The following NR2F1-AS1 variants were observed in gnomAD, a reference collection of about 807,000 sequenced individuals.
NR2F1-AS1 encodes NR2F1 antisense RNA 1.
At chr5:93,516,162 T>C (rs1014161093) in intron 4 of NR2F1-AS1, among the ~76,000 whole-genome samples, 1 of 151,900 alleles carries the variant, frequency 6.6e-6, no homozygotes, top group African/African-American at 2.4e-5. Context: ...ATGTGCATTT[T>C]ATATATACTC....
At chr5:93,522,512 A>G (rs1751522785) in intron 4 of NR2F1-AS1, among the ~76,000 whole-genome samples, 1 of 152,202 alleles carries the variant, frequency 6.6e-6, no homozygotes, top group Non-Finnish European at 1.5e-5. Flanking sequence ...TTTATTTTCC[A>G]CTTAGTACAA....
intron 1 of NR2F1-AS1, among the ~76,000 whole-genome samples, chr5:93,569,228 G>A (rs1165667464): frequency 6.6e-6 from 1 of 152,124 alleles, no homozygotes; most frequent in Non-Finnish European, 1.5e-5. Flanking sequence ...CAGGAAGACA[G>A]AAGAGAAGGG....
intron 4 of NR2F1-AS1, among the ~76,000 whole-genome samples, chr5:93,552,232 T>C (rs769888515): frequency 9.9e-5 from 15 of 152,150 alleles, no homozygotes; most frequent in Non-Finnish European, 1.6e-4. Context: ...ATCTTGGAAA[T>C]GTCAGTGACA....
intron 4 of NR2F1-AS1, among the ~76,000 whole-genome samples, chr5:93,413,562 C>T (rs545335641): frequency 1.5e-4 from 23 of 152,240 alleles, no homozygotes; most frequent in African/African-American, 5.3e-4. Flanking sequence ...TCATCAGAGA[C>T]TGCATTAGGT....
chr5:93,468,419 G>GAA (rs1193553930), intron 4 of NR2F1-AS1, among the ~76,000 whole-genome samples: 1 of 152,110 alleles, frequency 6.6e-6, no homozygotes, highest in Non-Finnish European at 1.5e-5. Context: ...AGCATTTTTT[G>GAA]ATGTGTCTGT....
chr5:93,559,668 C>T (rs1311006197), intron 2 of NR2F1-AS1, among the ~76,000 whole-genome samples: 2 of 152,140 alleles, frequency 1.3e-5, no homozygotes, highest in African/African-American at 4.8e-5. Context: ...TTAACTGGCA[C>T]AACACTTTCA....
chr5:93,535,850 T>A (rs1297128391), intron 4 of NR2F1-AS1, among the ~76,000 whole-genome samples: 1 of 152,092 alleles, frequency 6.6e-6, no homozygotes, highest in Admixed American at 6.5e-5. Flanking sequence ...AAAGGCCACA[T>A]ATGACAAACC....
chr5:93,466,903 T>TG (rs1554065101), intron 4 of NR2F1-AS1, among the ~76,000 whole-genome samples: 8 of 13,664 alleles, frequency 5.9e-4, no homozygotes, highest in Admixed American at 4.0e-3. Context: ...TATCCCTTTT[T>TG]TGGGGGGGGG....
At chr5:93,505,624 T>C (rs908285780) in intron 4 of NR2F1-AS1, among the ~76,000 whole-genome samples, 3 of 152,212 alleles carry the variant, frequency 2.0e-5, no homozygotes, top group Non-Finnish European at 4.4e-5. Context: ...TCAATACCAC[T>C]GGGAAGCTGC....
intron 4 of NR2F1-AS1, among the ~76,000 whole-genome samples, chr5:93,427,394 T>A (rs1749216746): frequency 6.6e-6 from 1 of 152,232 alleles, no homozygotes; most frequent in African/African-American, 2.4e-5. Flanking sequence ...CTCCTGAGGC[T>A]GTTCTCACAT....
At chr5:93,438,385 T>A (rs1169313062) in intron 4 of NR2F1-AS1, among the ~76,000 whole-genome samples, 2 of 152,138 alleles carry the variant, frequency 1.3e-5, no homozygotes, top group Non-Finnish European at 2.9e-5. Flanking sequence ...ACTGCCCAAG[T>A]CAGAAACCTG....
intron 4 of NR2F1-AS1, among the ~76,000 whole-genome samples, chr5:93,445,126 T>C (rs1324560789): frequency 6.6e-6 from 1 of 151,916 alleles, no homozygotes; most frequent in African/African-American, 2.4e-5. Context: ...CACCCTAACA[T>C]CATAATTAAA....
At chr5:93,461,758 A>G (rs1750099551) in intron 4 of NR2F1-AS1, among the ~76,000 whole-genome samples, 1 of 152,196 alleles carries the variant, frequency 6.6e-6, no homozygotes, top group Admixed American at 6.5e-5. Context: ...ATGGGCCACC[A>G]AAGCACAACA....
chr5:93,569,923 C>A (rs1006832300), intron 1 of NR2F1-AS1: 2 of 152,214 alleles, frequency 1.3e-5, no homozygotes, highest in Non-Finnish European at 2.9e-5. Flanking sequence ...AGTGCAACAT[C>A]TGGAGCACGA....
At chr5:93,516,576 A>G (rs1751405259) in intron 4 of NR2F1-AS1, among the ~76,000 whole-genome samples, 1 of 151,938 alleles carries the variant, frequency 6.6e-6, no homozygotes, top group Admixed American at 6.6e-5. Context: ...TTATATAAGT[A>G]AGTATAATAC....
upstream of NR2F1-AS1, chr5:93,584,014 T>G (rs1753176334): frequency 1.3e-5 from 2 of 151,686 alleles, no homozygotes; most frequent in South Asian, 4.2e-4. Flanking sequence ...CAGCGCTGCC[T>G]TCCTGAATGG....
chr5:93,469,850 T>C (rs1425771554), intron 4 of NR2F1-AS1, among the ~76,000 whole-genome samples: 2 of 152,082 alleles, frequency 1.3e-5, no homozygotes, highest in Non-Finnish European at 2.9e-5. Context: ...ACTATAGATA[T>C]TTGACTCTCC....
At chr5:93,419,259 C>A (rs548402628) in intron 4 of NR2F1-AS1, among the ~76,000 whole-genome samples, 2 of 151,982 alleles carry the variant, frequency 1.3e-5, no homozygotes, top group African/African-American at 4.8e-5. Flanking sequence ...TAGAGTGATA[C>A]CATATTTGGA....
chr5:93,570,204 T>C (rs2149926683), intron 1 of NR2F1-AS1: 1 of 152,330 alleles, frequency 6.6e-6, no homozygotes, highest in Admixed American at 6.5e-5. Context: ...AAAAGGAAAC[T>C]CCCACTGACT....
Sources: gnomAD v4.1 joint callset for allele counts (sites outside exome capture counted in the v4.1 genomes callset) on GRCh38, gnomAD v4.1.1 for gene constraint, MANE v1.5 for transcripts, NCBI Gene and HGNC (gene_info 2026-07-23, HGNC 2026-07-21) for gene names.